CREB5: variants seen among roughly 807,000 people sequenced by gnomAD.
CREB5 encodes cyclic AMP-responsive element-binding protein 5.
A neutral mutation model predicts 57.1 loss-of-function variants in CREB5; 19 were observed. The ratio of observed to expected loss-of-function variants is 0.33; its 90% CI spans 0.23 to 0.49. The LOEUF is 0.49. CREB5 is among the 20% of genes least tolerant of loss of function. The probability of loss-of-function intolerance (pLI) is 0.99; values close to 1 mark genes in which losing one functional copy is unlikely to be tolerated. For synonymous variants in CREB5, 238 were observed against 238.3 expected, an observed-to-expected ratio of 1.00 and a Z score of 0.01; for missense variants, 579 against 671.6, an observed-to-expected ratio of 0.86 and a Z score of 1.52.
chr7:28,628,515 G>A (rs1798085944), intron 5 of CREB5, among the ~76,000 whole-genome samples: 1 of 152,090 alleles, frequency 6.6e-6, no homozygotes, highest in Admixed American at 6.5e-5. Context: ...ACAAGACATA[G>A]GAAATCTGCA....
intron 5 of CREB5, among the ~76,000 whole-genome samples, chr7:28,572,365 G>A (rs1346175677): frequency 1.3e-5 from 2 of 152,212 alleles, no homozygotes; most frequent in Non-Finnish European, 2.9e-5. Context: ...GAGAGCAAAT[G>A]TTGCTGCTAT....
chr7:28,739,740 T>A (rs1804229705), intron 7 of CREB5, among the ~76,000 whole-genome samples: 1 of 152,164 alleles, frequency 6.6e-6, no homozygotes, highest in African/African-American at 2.4e-5. Context: ...CTTCCTGAAG[T>A]TGTTGTTTAT....
intron 1 of CREB5, among the ~76,000 whole-genome samples, chr7:28,431,804 A>G (rs967829155): frequency 1.3e-5 from 2 of 152,056 alleles, no homozygotes; most frequent in Admixed American, 1.3e-4. Context: ...ATGGTTTAGA[A>G]AAAGGAAAAA....
intron 7 of CREB5, among the ~76,000 whole-genome samples, chr7:28,763,433 G>A (rs550130861): frequency 6.6e-6 from 1 of 152,242 alleles, no homozygotes; most frequent in Admixed American, 6.5e-5. Context: ...GAGTCTTTAG[G>A]AATATAAAAG....
At chr7:28,577,794 A>C (rs1795958646) in intron 5 of CREB5, among the ~76,000 whole-genome samples, 1 of 152,184 alleles carries the variant, frequency 6.6e-6, no homozygotes, top group Non-Finnish European at 1.5e-5. Context: ...TTCATAATGA[A>C]TTTAATTTTG....
intron 4 of CREB5, among the ~76,000 whole-genome samples, chr7:28,539,552 T>C (rs1794118028): frequency 6.6e-6 from 1 of 152,258 alleles, no homozygotes; most frequent in Non-Finnish European, 1.5e-5. Context: ...TATTCCTTGC[T>C]CATATTTTAT....
chr7:28,530,155 C>T (rs1040444040), intron 4 of CREB5, among the ~76,000 whole-genome samples: 1 of 152,236 alleles, frequency 6.6e-6, no homozygotes, highest in Admixed American at 6.5e-5. Context: ...GGAGCAAAAG[C>T]AATTCAGAGT....
chr7:28,582,332 G>A (rs1368204729), intron 5 of CREB5, among the ~76,000 whole-genome samples: 2 of 152,186 alleles, frequency 1.3e-5, no homozygotes, highest in Non-Finnish European at 2.9e-5. Context: ...AATAAAGACA[G>A]AACTTTAATT....
chr7:28,431,936 A>G (rs1044813998), intron 1 of CREB5, among the ~76,000 whole-genome samples: 6 of 151,098 alleles, frequency 4.0e-5, no homozygotes, highest in Admixed American at 1.3e-4. Flanking sequence ...ATCTAAATGC[A>G]ATGGGGAACA....
chr7:28,489,550 C>T lies in CREB5; in HGVS notation c.75+1304C>T, dbSNP rs558232410. The stretch of plus-strand genomic sequence containing the variant: ...TCTCCTGACCTCATGATCCGCCTGC[C>T]TCGGCCTCCCAAAGTGCTGGGATTA... On this transcript the variant is annotated intron_variant, in intron 2 of 10. Transcript: ENST00000357727. Among the ~76,000 whole-genome samples the T allele has an allele frequency of 2.6e-5, 4 of 152,208 alleles. No individual in the cohort carries two copies. The South Asian group carries it at 8.3e-4, about 32-fold the overall frequency.
intron 9 of CREB5, among the ~76,000 whole-genome samples, chr7:28,816,113 T>G (rs1809426783): frequency 6.6e-6 from 1 of 151,538 alleles, no homozygotes; most frequent in South Asian, 2.1e-4. Context: ...CCTTTCTTGG[T>G]TTTTGTTTGG....
Position 28,565,745 on chromosome 7 carries a change from A to C in CREB5, c.292-4620A>C, listed in dbSNP as rs1023769567. 2.0e-5 allele frequency among the ~76,000 whole-genome samples: 3 copies of C among 152,012 alleles called. 1 individual carries two copies. The highest frequency in any genetic ancestry group is 3.9e-4 in the East Asian group (2 of 5,162). ...AGACCAGCTTGGCCAACATAGTGAA[A>C]CCCCATCTCTACTAAAAATACAAAA... On this transcript the variant is annotated intron_variant, in intron 4 of 10. Transcript: ENST00000357727.
At chr7:28,501,496 A>G (rs764248936) in intron 3 of CREB5, among the ~76,000 whole-genome samples, 3 of 152,186 alleles carry the variant, frequency 2.0e-5, no homozygotes, top group Non-Finnish European at 2.9e-5. Flanking sequence ...CTTGCTCTGC[A>G]GTATTCTTTT....
At chr7:28,664,347 A>T (rs1799726958) in intron 5 of CREB5, among the ~76,000 whole-genome samples, 1 of 152,224 alleles carries the variant, frequency 6.6e-6, no homozygotes, top group African/African-American at 2.4e-5. Flanking sequence ...TTTAGATTCT[A>T]AATCTTTTCC....
intron 5 of CREB5, among the ~76,000 whole-genome samples, chr7:28,702,667 A>G (rs754621120): frequency 2.0e-5 from 3 of 152,234 alleles, no homozygotes; most frequent in Non-Finnish European, 4.4e-5. Flanking sequence ...GGGAGATTTG[A>G]GACTAATCAC....
At chr7:28,601,862 T>C (rs970128427) in intron 5 of CREB5, among the ~76,000 whole-genome samples, 5 of 152,200 alleles carry the variant, frequency 3.3e-5, no homozygotes, top group East Asian at 3.8e-4. Flanking sequence ...GAAGCATTAC[T>C]ATAGTTAGGT....
At chr7:28,556,655 A>T (rs929186743) in intron 4 of CREB5, among the ~76,000 whole-genome samples, 1 of 152,122 alleles carries the variant, frequency 6.6e-6, no homozygotes, top group African/African-American at 2.4e-5. Context: ...TGAACACATA[A>T]TTGTACTGGG....
rs111943290 is a variant in CREB5 at position 28,341,695 on chromosome 7, T to C, written c.-25+42254T>C. Among the ~76,000 whole-genome samples the C allele has an allele frequency of 6.4e-3, 968 of 152,382 alleles. 5 individuals are homozygous for C. Among genetic ancestry groups the C allele is most frequent in the African/African-American group, 0.022 (914 of 41,588 alleles). ...TGTACCCAATAACCATTTATTGTTT[T>C]ACATTGAATTGTCCTGGAGAATATA... On this transcript the variant is annotated intron_variant, in intron 1 of 9. Coordinates refer to the CREB5 transcript ENST00000396299.
chr7:28,514,468 T>C (rs1190819912), intron 4 of CREB5, among the ~76,000 whole-genome samples: 1 of 152,196 alleles, frequency 6.6e-6, no homozygotes, highest in East Asian at 1.9e-4. Context: ...CCATCTCGGC[T>C]CACTGCAAGC....
Sources: gnomAD v4.1 joint callset for allele counts (sites outside exome capture counted in the v4.1 genomes callset) on GRCh38, gnomAD v4.1.1 for gene constraint, MANE v1.5 for transcripts, NCBI Gene and HGNC (gene_info 2026-07-23, HGNC 2026-07-21) for gene names.